The following OPA1 variants were observed in gnomAD, a reference collection of about 807,000 sequenced individuals.
OPA1 encodes dynamin-like GTPase OPA1, mitochondrial.
Under a neutral mutation model 152.9 loss-of-function variants are expected in OPA1, and 59 were observed. The ratio of observed to expected loss-of-function variants is 0.39; its 90% CI spans 0.31 to 0.48. The LOEUF (loss-of-function observed/expected upper bound fraction) is 0.48, where lower values mean the gene tolerates loss of function less well. OPA1 is among the 20% of genes least tolerant of loss of function. The pLI is 0.96. For missense variants in OPA1, 1,008 were observed against 1,216.8 expected (o/e 0.83, Z 2.55); for synonymous variants, 400 against 389.9 (o/e 1.03, Z -0.31).
In OPA1 at chr3:193,657,198, G is replaced by T; in HGVS notation, c.2297G>T (p.Arg766Leu). 1 of 1,613,910 alleles carries T rather than the reference G, an allele frequency of 6.2e-7. No individual in the cohort carries two copies. Among genetic ancestry groups the T allele is most frequent in the South Asian group, 1.1e-5 (1 of 91,052 alleles). The change falls in exon 23 of 31, where the codon CGA becomes CTA. Residue 766 changes from arginine (R) to leucine (L), a missense_variant. By Grantham distance (102) the Arg-to-Leu change is moderately radical (BLOSUM62 -2). Around this residue, in one of 7 missense-constraint regions of OPA1, gnomAD observed 229 missense variants for 269.0 expected, o/e 0.85. Coordinates refer to ENST00000361510, the MANE Select transcript of OPA1 (RefSeq NM_130837.3). ...KEAVKEESIK[R>L]HKWNDFAEDS... ...GCTGTTAAGGAAGAAAGTATTAAAC[G>T]ACACAAGTGGAATGACTTTGCGGAG...
Position 193,679,809 on chromosome 3 carries a change from G to A in OPA1, c.2984-12254G>A, listed in dbSNP as rs113927848. ...GATAATTCTAGGTTTATAAATCTAT[G>A]TATGCTCAGTGCCAGTTGAATTTTG... On this transcript the variant is annotated intron_variant, in intron 29 of 30. Coordinates refer to ENST00000361510, the MANE Select transcript of OPA1 (RefSeq NM_130837.3). 1.8e-3 allele frequency among the ~76,000 whole-genome samples: 276 copies of A among 152,234 alleles called. 2 individuals are homozygous for A. Among genetic ancestry groups the A allele is most frequent in the South Asian group, 0.011 (55 of 4,826 alleles).
chr3:193,631,777 G>A, intron 8 of OPA1, 112 bp downstream of exon 8: 1 of 844,350 alleles, frequency 1.2e-6, no homozygotes, highest in Non-Finnish European at 2.0e-6. Context: ...AAGGTGTAAT[G>A]ATAGAACCTT....
chr3:193,634,503 C>T (rs569964273), intron 8 of OPA1, among the ~76,000 whole-genome samples: 20 of 151,976 alleles, frequency 1.3e-4, no homozygotes, highest in Admixed American at 5.2e-4. Flanking sequence ...CTGCAACCTC[C>T]GCCTCCCGGG....
rs752296610 is a variant in OPA1, at chr3:193,643,541, G to A, written c.1391G>A (p.Gly464Asp). ...TTTTTCTTTAAGACTGTGACATCAGGCATGGCTCCTGACACAAAGGAAACT... is the reference window on the plus strand; with the variant it reads ...TTTTTCTTTAAGACTGTGACATCAGACATGGCTCCTGACACAAAGGAAACT... Reference protein sequence around the residue: ...LPGVINTVTSGMAPDTKETIF... With the variant: ...LPGVINTVTSDMAPDTKETIF... The change falls in exon 15 of 31, where the codon GGC (glycine) becomes GAC (aspartate). Residue 464 changes from glycine (G) to aspartate (D), a missense_variant. Coordinates refer to ENST00000361510, the MANE Select transcript of OPA1 (RefSeq NM_130837.3). 97 of 1,613,578 alleles carry A rather than the reference G, an allele frequency of 6.0e-5. No individual in the cohort carries two copies. Among genetic ancestry groups the A allele is most frequent in the Non-Finnish European group, 7.9e-5 (93 of 1,179,790 alleles).
Position 193,657,075 on chromosome 3 carries a change from T to C in OPA1, c.2179-5T>C. On this transcript the variant is annotated splice_polypyrimidine_tract_variant and splice_region_variant and intron_variant, in intron 22 of 30. Transcript: ENST00000361510. ...TATGGCTTTTTTTCTTTCAAATAAT[T>C]ATAGGTTGCTTGGGAGACCCTACAA... 1 of 1,608,138 alleles carries C rather than the reference T, an allele frequency of 6.2e-7. No homozygotes were observed. Among genetic ancestry groups the C allele is most frequent in the Non-Finnish European group, 8.5e-7 (1 of 1,178,144 alleles).
chr3:193,650,363 A>G (rs1712099153), intron 21 of OPA1, among the ~76,000 whole-genome samples: 1 of 152,196 alleles, frequency 6.6e-6, no homozygotes, highest in South Asian at 2.1e-4. Flanking sequence ...TGTTATGTTA[A>G]CGCAAATATA....
At chr3:193,630,451 A>T (rs568711216) in intron 7 of OPA1, among the ~76,000 whole-genome samples, 5 of 152,146 alleles carry the variant, frequency 3.3e-5, no homozygotes, top group African/African-American at 1.2e-4. Flanking sequence ...ATGACAAAGT[A>T]TTTAGAAATA....
At chr3:193,631,524 A>G in intron 7 of OPA1, 88 bp from the exon 8 acceptor site, 1 of 889,158 alleles carries the variant, frequency 1.1e-6, no homozygotes. Context: ...GTTGTTTTTA[A>G]CTCTCAATAC....
chr3:193,643,935 A>G (rs909139308), intron 15 of OPA1, 40 bp from the exon 16 acceptor site: 1 of 1,607,234 alleles, frequency 6.2e-7, no homozygotes, highest in Admixed American at 1.7e-5. Context: ...TCTACTTTAC[A>G]TCTTAAAATT....
chr3:193,602,546 G>C (rs1250007638), intron 1 of OPA1, among the ~76,000 whole-genome samples: 1 of 152,190 alleles, frequency 6.6e-6, no homozygotes, highest in Non-Finnish European at 1.5e-5. Flanking sequence ...AGGGACATGG[G>C]CCTCCCAGTG....
At chr3:193,618,676 TTAG>T in intron 5 of OPA1, 190 bp from the exon 6 acceptor site, 1 of 571,286 alleles carries the variant, frequency 1.8e-6, no homozygotes, top group Non-Finnish European at 3.1e-6. Context: ...ATTGCTATAG[TTAG>T]TTTTTTTTTT....
At chr3:193,602,557 A>C (rs772376545) in intron 1 of OPA1, among the ~76,000 whole-genome samples, 1 of 152,212 alleles carries the variant, frequency 6.6e-6, no homozygotes, top group Non-Finnish European at 1.5e-5. Context: ...CCTCCCAGTG[A>C]CTATTTCATA....
intron 29 of OPA1, among the ~76,000 whole-genome samples, chr3:193,667,790 CAG>C (rs1283193800): frequency 1.3e-5 from 2 of 150,866 alleles, no homozygotes. Context: ...TTCTTAGAAA[CAG>C]ATTTTCTCAT....
chr3:193,657,161 A>G lies in OPA1; in HGVS notation c.2260A>G (p.Lys754Glu), dbSNP rs1714054336. Residue 754 changes from lysine to glutamate, a missense_variant, in exon 23 of 31, where the codon AAA becomes GAA. By Grantham distance (56) the Lys-to-Glu change is moderately conservative. This residue lies in a region of OPA1 where 229 missense variants were observed against 269.0 expected (regional missense o/e 0.85). Transcript: ENST00000361510. ...GAAAGAGCATGATGACATATTTGAT[A>G]AACTTAAAGAGGCTGTTAAGGAAGA... ...KGKEHDDIFD[K>E]LKEAVKEESI... is the part of the protein sequence containing the mutation. The G allele has an allele frequency of 6.2e-7, 1 of 1,613,920 alleles. No individual in the cohort carries two copies. The highest frequency in any genetic ancestry group is 8.5e-7 in the Non-Finnish European group (1 of 1,179,886).
chr3:193,644,300 GT>G, intron 16 of OPA1, 195 bp downstream of exon 16: 1 of 575,464 alleles, frequency 1.7e-6, no homozygotes, highest in Non-Finnish European at 3.0e-6. Flanking sequence ...CCAGGCTCAC[GT>G]TTTTCCACTA....
intron 25 of OPA1, 74 bp downstream of exon 25, chr3:193,659,635 C>G: frequency 1.8e-6 from 2 of 1,126,616 alleles, no homozygotes; most frequent in South Asian, 2.7e-5. Flanking sequence ...AAAATATAAC[C>G]TTTTTGTGGC....
intron 29 of OPA1, among the ~76,000 whole-genome samples, chr3:193,669,203 A>G (rs1717369003): frequency 6.6e-6 from 1 of 152,202 alleles, no homozygotes; most frequent in Non-Finnish European, 1.5e-5. Flanking sequence ...GTGCCTGCGC[A>G]GCATGCTCAC....
chr3:193,605,638 A>G (rs1727139684), intron 1 of OPA1, among the ~76,000 whole-genome samples: 1 of 152,230 alleles, frequency 6.6e-6, no homozygotes, highest in Non-Finnish European at 1.5e-5. Flanking sequence ...ACAGCATAAC[A>G]ATTCTAGTTC....
chr3:193,668,265 C>G, intron 29 of OPA1: 7 of 1,395,288 alleles, frequency 5.0e-6, no homozygotes, highest in Non-Finnish European at 6.9e-6. Flanking sequence ...TTGGTCAGTC[C>G]TCCTATACGT....
Sources: allele counts gnomAD v4.1 joint callset (sites outside exome capture counted in the v4.1 genomes callset), GRCh38; gene constraint gnomAD v4.1.1; regional missense constraint gnomAD v4.1.1; transcripts MANE v1.5; gene names NCBI Gene and HGNC (gene_info 2026-07-23, HGNC 2026-07-21).